Variants in KLF12 observed in about 807,000 individuals in gnomAD.
The protein encoded by KLF12 is Krueppel-like factor 12.
A neutral mutation model predicts 37.8 loss-of-function variants in KLF12; 9 were observed. The ratio of observed to expected loss-of-function variants is 0.24; its 90% CI spans 0.14 to 0.42. The LOEUF is 0.42. KLF12 is among the 10% of genes least tolerant of loss of function. KLF12 has a pLI of 1.00. For synonymous variants in KLF12, 208 were observed against 202.1 expected (o/e 1.03, Z -0.25); for missense variants, 411 against 516.0 (o/e 0.80, Z 1.97).
the KLF12 span, among the ~76,000 whole-genome samples, chr13:74,264,231 T>C: frequency 1.3e-5 from 2 of 152,210 alleles, no homozygotes; most frequent in Non-Finnish European, 2.9e-5. Flanking sequence ...GAGGGGCTGC[T>C]GTTAGACAAA....
At chr13:73,771,003 A>T (rs1446488772) in intron 5 of KLF12, among the ~76,000 whole-genome samples, 2 of 152,154 alleles carry the variant, frequency 1.3e-5, no homozygotes, top group African/African-American at 4.8e-5. Flanking sequence ...ATAATGTATT[A>T]ATTAATCCTG....
chr13:74,261,186 T>C, the KLF12 span, among the ~76,000 whole-genome samples: 2 of 152,178 alleles, frequency 1.3e-5, no homozygotes, highest in Non-Finnish European at 2.9e-5. Flanking sequence ...AGTGACACTT[T>C]TGAGAAGACC....
At chr13:74,201,291 C>T in the KLF12 span, among the ~76,000 whole-genome samples, 7 of 152,142 alleles carry the variant, frequency 4.6e-5, no homozygotes, top group Non-Finnish European at 1.5e-5. Flanking sequence ...ATGATGTCTA[C>T]AACACCAGTC....
At chr13:74,057,679 C>T (rs1873325557) in intron 1 of KLF12, among the ~76,000 whole-genome samples, 1 of 152,032 alleles carries the variant, frequency 6.6e-6, no homozygotes, top group Non-Finnish European at 1.5e-5. Context: ...TGAAATTATT[C>T]AACTATTTTA....
intron 2 of KLF12, among the ~76,000 whole-genome samples, chr13:73,964,777 T>C (rs1314120595): frequency 2.6e-5 from 4 of 152,022 alleles, no homozygotes; most frequent in Non-Finnish European, 4.4e-5. Flanking sequence ...AGCCCAAGTG[T>C]TCGAGACTGG....
chr13:74,271,198 T>TC, the KLF12 span, among the ~76,000 whole-genome samples: 2 of 152,034 alleles, frequency 1.3e-5, no homozygotes, highest in Admixed American at 6.6e-5. Context: ...AAACCATCCC[T>TC]CCCACCCCAT....
chr13:73,696,364 A>G (rs1299365871), intron 7 of KLF12, among the ~76,000 whole-genome samples: 1 of 152,162 alleles, frequency 6.6e-6, no homozygotes, highest in African/African-American at 2.4e-5. Context: ...TCACAGAGAA[A>G]AGCTGTCTGA....
At chr13:74,104,879 T>C (rs1358324336) in intron 1 of KLF12, among the ~76,000 whole-genome samples, 1 of 152,122 alleles carries the variant, frequency 6.6e-6, no homozygotes, top group Non-Finnish European at 1.5e-5. Context: ...ATTACCAAAA[T>C]TGGGTTAGGT....
the KLF12 span, among the ~76,000 whole-genome samples, chr13:74,210,359 GA>G: frequency 7.9e-5 from 12 of 152,110 alleles, no homozygotes. Context: ...AGCTTCACTT[GA>G]GTTGTTTAGC....
chr13:73,964,606 T>TAAAAAA (rs71115627), intron 2 of KLF12, among the ~76,000 whole-genome samples: 1 of 137,386 alleles, frequency 7.3e-6, no homozygotes, highest in Non-Finnish European at 1.5e-5. Context: ...CGTCTCTACT[T>TAAAAAA]AAAAAAAAAA....
intron 2 of KLF12, among the ~76,000 whole-genome samples, chr13:73,979,222 T>G (rs1891623225): frequency 6.6e-6 from 1 of 152,166 alleles, no homozygotes; most frequent in Non-Finnish European, 1.5e-5. Flanking sequence ...AAACGTATCA[T>G]CCTGGTGGGG....
chr13:73,815,639 T>C (rs929695082), intron 4 of KLF12, among the ~76,000 whole-genome samples: 1 of 152,234 alleles, frequency 6.6e-6, no homozygotes, highest in Non-Finnish European at 1.5e-5. Flanking sequence ...TGCATACACC[T>C]GTAAATGTCA....
At chr13:74,301,003 G>C in the KLF12 span, among the ~76,000 whole-genome samples, 2 of 152,098 alleles carry the variant, frequency 1.3e-5, no homozygotes, top group African/African-American at 4.8e-5. Flanking sequence ...ATCTTCATGA[G>C]AAAATTTCCA....
chr13:74,118,144 G>C lies in KLF12; in HGVS notation c.-32+15595C>G, dbSNP rs140491751. Among the ~76,000 whole-genome samples, 384 of 152,226 alleles carry C rather than the reference G, an allele frequency of 2.5e-3. 1 individual carries two copies. Among genetic ancestry groups the C allele is most frequent in the African/African-American group, 8.8e-3 (366 of 41,542 alleles). On this transcript the variant is annotated intron_variant, in intron 1 of 7. Coordinates refer to ENST00000377669, the MANE Select transcript of KLF12 (RefSeq NM_007249.5). ...GACAAATATATTAAAGTATTTATGG[G>C]TAAAATTATATGTCTGAAATTAGTT...
chr13:73,972,395 A>G (rs543819061), intron 2 of KLF12, among the ~76,000 whole-genome samples: 1 of 152,106 alleles, frequency 6.6e-6, no homozygotes, highest in East Asian at 1.9e-4. Flanking sequence ...TATCAATACA[A>G]TTGAATAATA....
At chr13:74,239,253 G>C in the KLF12 span, among the ~76,000 whole-genome samples, 1 of 152,100 alleles carries the variant, frequency 6.6e-6, no homozygotes, top group Non-Finnish European at 1.5e-5. Context: ...GAGCCGTTTT[G>C]AGTGAGATTC....
At chr13:74,040,818 G>A (rs1454509860) in intron 1 of KLF12, among the ~76,000 whole-genome samples, 8 of 152,186 alleles carry the variant, frequency 5.3e-5, no homozygotes, top group African/African-American at 1.9e-4. Flanking sequence ...CTGCAAAGCA[G>A]GCCAGAATGA....
intron 3 of KLF12, among the ~76,000 whole-genome samples, chr13:73,909,968 G>T (rs35970765): frequency 6.6e-6 from 1 of 151,704 alleles, no homozygotes; most frequent in Non-Finnish European, 1.5e-5. Flanking sequence ...ACTTTCAAAC[G>T]TTATTTTTTT....
Position 73,824,720 on chromosome 13 carries a change from T to C in KLF12, c.671-11433A>G, listed in dbSNP as rs1275282962. On this transcript the variant is annotated intron_variant, in intron 4 of 7. Transcript: ENST00000377669. ...TCCACATTAATTCTGTTTGGTATGCTTTTATAAGAAAGAACAATTCCATTA... is the reference window on the plus strand; with the variant it reads ...TCCACATTAATTCTGTTTGGTATGCCTTTATAAGAAAGAACAATTCCATTA... Among the ~76,000 whole-genome samples the C allele has an allele frequency of 2.0e-5, 3 of 152,196 alleles. No homozygotes were observed. In the East Asian group the frequency reaches 5.8e-4, roughly 29 times the overall value.
Sources: gnomAD v4.1 joint callset for allele counts (sites outside exome capture counted in the v4.1 genomes callset) on GRCh38, gnomAD v4.1.1 for gene constraint, MANE v1.5 for transcripts, NCBI Gene and HGNC (gene_info 2026-07-23, HGNC 2026-07-21) for gene names.